Variants in SLC24A3 observed in about 807,000 individuals in gnomAD.
The protein encoded by SLC24A3 is sodium/potassium/calcium exchanger 3.
Under a neutral mutation model 75.8 loss-of-function variants are expected in SLC24A3, and 28 were observed. That is an observed-to-expected ratio of 0.37 (90% CI 0.27 to 0.51). The LOEUF (loss-of-function observed/expected upper bound fraction) is 0.51. Ranked by LOEUF, SLC24A3 falls within the 20% of genes least tolerant of loss-of-function variation. SLC24A3 has a pLI of 0.94. For missense variants in SLC24A3, 663 were observed against 847.8 expected, an observed-to-expected ratio of 0.78 and a Z score of 2.71; for synonymous variants, 372 against 334.1, an observed-to-expected ratio of 1.11 and a Z score of -1.24.
chr20:19,448,683 C>A (rs1225690189), intron 2 of SLC24A3, among the ~76,000 whole-genome samples: 1 of 152,164 alleles, frequency 6.6e-6, no homozygotes, highest in East Asian at 1.9e-4. Flanking sequence ...TTTGGTCAAA[C>A]CTGGGCCGCA....
intron 8 of SLC24A3, 56 bp from the exon 9 acceptor site, chr20:19,673,545 A>G (rs2122729602): frequency 6.9e-7 from 1 of 1,457,782 alleles, no homozygotes; most frequent in East Asian, 2.3e-5. Flanking sequence ...AAAATGAGGC[A>G]GGTGAGTTTC....
At chr20:19,672,402 ATAGCTCACTG>A (rs1402145076) in intron 8 of SLC24A3, among the ~76,000 whole-genome samples, 8 of 152,110 alleles carry the variant, frequency 5.3e-5, no homozygotes, top group Admixed American at 5.2e-4. Context: ...TGGTGTAATC[ATAGCTCACTG>A]TAGCCTCCAT....
Position 19,651,356 on chromosome 20 carries a change from T to G in SLC24A3, c.613-2706T>G, listed in dbSNP as rs1290752311. Among the ~76,000 whole-genome samples the G allele has an allele frequency of 4.8e-5, 7 of 144,978 alleles. No homozygotes were observed. The South Asian group carries it at 1.5e-3, about 31-fold the overall frequency. On this transcript the variant is annotated intron_variant, in intron 6 of 16. Coordinates refer to ENST00000328041, the MANE Select transcript of SLC24A3 (RefSeq NM_020689.4). Reference sequence around the variant, plus strand: ...CCATGTCTTTGTTGATTACAAAATGTCATTCTGGTTTTTATTATATATATA... The same window carrying G: ...CCATGTCTTTGTTGATTACAAAATGGCATTCTGGTTTTTATTATATATATA...
chr20:19,492,971 G>A (rs1988229807), intron 2 of SLC24A3, among the ~76,000 whole-genome samples: 1 of 149,220 alleles, frequency 6.7e-6, no homozygotes, highest in Non-Finnish European at 1.5e-5. Context: ...TCAGAGTATG[G>A]TATTTCTAAT....
At chr20:19,462,300 C>T (rs1987691689) in intron 2 of SLC24A3, among the ~76,000 whole-genome samples, 1 of 149,892 alleles carries the variant, frequency 6.7e-6, no homozygotes, top group African/African-American at 2.4e-5. Flanking sequence ...CTCTCTGTTG[C>T]CCAGGCTGGA....
At chr20:19,297,908 AGGAAG>A (rs886880847) in intron 2 of SLC24A3, among the ~76,000 whole-genome samples, 24 of 152,340 alleles carry the variant, frequency 1.6e-4, no homozygotes, top group African/African-American at 5.3e-4. Context: ...ATCTTGTGCT[AGGAAG>A]GGAAGGGAAG....
chr20:19,529,366 C>A (rs2104462), intron 3 of SLC24A3, among the ~76,000 whole-genome samples: 131,136 of 152,138 alleles, frequency 0.86, 56,750 homozygotes, highest in Middle Eastern at 0.91. Flanking sequence ...CATGTCAATA[C>A]TTGTCACCAC....
intron 3 of SLC24A3, among the ~76,000 whole-genome samples, chr20:19,570,935 C>A (rs1440166194): frequency 6.6e-6 from 1 of 152,086 alleles, no homozygotes; most frequent in East Asian, 1.9e-4. Context: ...AGGATAAGAG[C>A]CTCAGTCTTA....
In SLC24A3 at chr20:19,459,230, G is replaced by A. The variant is rs75793325; in HGVS notation, c.272-56258G>A. ...CAGATATATTTTAAAGAGATATTTA[G>A]CATAACCCTAAACATGTTGGCCGGT... On this transcript the variant is annotated intron_variant, in intron 2 of 16. Coordinates refer to ENST00000328041, the MANE Select transcript of SLC24A3 (RefSeq NM_020689.4). Among the ~76,000 whole-genome samples, 699 of 152,306 alleles carry A rather than the reference G, an allele frequency of 4.6e-3. 3 individuals are homozygous for A. Among genetic ancestry groups the A allele is most frequent in the Non-Finnish European group, 7.6e-3 (519 of 68,038 alleles).
chr20:19,470,839 G>A (rs1032182223), intron 2 of SLC24A3, among the ~76,000 whole-genome samples: 1 of 152,176 alleles, frequency 6.6e-6, no homozygotes, highest in African/African-American at 2.4e-5. Context: ...TTAGGGAGGT[G>A]CAGGCTAGCT....
intron 6 of SLC24A3, among the ~76,000 whole-genome samples, chr20:19,633,223 T>C (rs1600311921): frequency 6.6e-6 from 1 of 152,226 alleles, no homozygotes; most frequent in Non-Finnish European, 1.5e-5. Context: ...AGCTAGAAGT[T>C]CAAGCTCAAT....
At chr20:19,264,069 A>AG (rs1491060431) in intron 1 of SLC24A3, 1 of 151,674 alleles carries the variant, frequency 6.6e-6, no homozygotes, top group East Asian at 1.9e-4. Flanking sequence ...AAAAAAAAAA[A>AG]ATGCTTACTG....
chr20:19,277,927 T>C (rs1466119587), intron 1 of SLC24A3, among the ~76,000 whole-genome samples: 2 of 152,222 alleles, frequency 1.3e-5, no homozygotes, highest in African/African-American at 4.8e-5. Flanking sequence ...CCACAAAGCA[T>C]TTCTCCTTGA....
At chr20:19,487,050 A>T (rs946771635) in intron 2 of SLC24A3, among the ~76,000 whole-genome samples, 1 of 152,096 alleles carries the variant, frequency 6.6e-6, no homozygotes, top group Non-Finnish European at 1.5e-5. Context: ...AATGCCTTAA[A>T]CCTCAGCCTG....
chr20:19,675,929 T>A (rs1274186098), intron 9 of SLC24A3, among the ~76,000 whole-genome samples: 3 of 152,216 alleles, frequency 2.0e-5, no homozygotes, highest in African/African-American at 7.2e-5. Flanking sequence ...CTTTGCTGTT[T>A]TCTAGTGCAT....
At chr20:19,573,386 A>G (rs1231766702) in intron 3 of SLC24A3, among the ~76,000 whole-genome samples, 1 of 152,136 alleles carries the variant, frequency 6.6e-6, no homozygotes, top group Non-Finnish European at 1.5e-5. Context: ...ACCTGATGAG[A>G]TAGTAATTAT....
intron 2 of SLC24A3, among the ~76,000 whole-genome samples, chr20:19,479,249 T>G (rs932713294): frequency 1.3e-5 from 2 of 152,234 alleles, no homozygotes; most frequent in African/African-American, 2.4e-5. Flanking sequence ...ACCAGGAATA[T>G]CTGACTGTGG....
chr20:19,377,485 G>C (rs150685223), intron 2 of SLC24A3, among the ~76,000 whole-genome samples: 1 of 152,308 alleles, frequency 6.6e-6, no homozygotes, highest in African/African-American at 2.4e-5. Context: ...TGACGTTCTA[G>C]AACAGGTTAA....
At chr20:19,453,477 AAC>A (rs1314674604) in intron 2 of SLC24A3, among the ~76,000 whole-genome samples, 1 of 152,200 alleles carries the variant, frequency 6.6e-6, no homozygotes, top group Non-Finnish European at 1.5e-5. Context: ...GGAGACAAGG[AAC>A]ATACTGTTAA....
Sources: allele counts gnomAD v4.1 joint callset (sites outside exome capture counted in the v4.1 genomes callset), GRCh38; gene constraint gnomAD v4.1.1; transcripts MANE v1.5; gene names NCBI Gene and HGNC (gene_info 2026-07-23, HGNC 2026-07-21).